Variants in ANK2 observed in about 807,000 individuals in gnomAD.
The protein encoded by ANK2 is ankyrin 2, also known as ankyrin-2.
Under a neutral mutation model 360.5 loss-of-function variants are expected in ANK2, and 83 were observed. The ratio of observed to expected loss-of-function variants is 0.23; its 90% confidence interval spans 0.19 to 0.28. The LOEUF (loss-of-function observed/expected upper bound fraction) is 0.28. ANK2 is among the 10% of genes least tolerant of loss of function. The pLI is 1.00. For synonymous variants in ANK2, 1,740 were observed against 1,759.5 expected (o/e 0.99, Z 0.28); for missense variants, 4,201 against 4,795.7 (o/e 0.88, Z 3.66).
rs185277900 is a variant in ANK2, at chr4:113,249,318, A to C, written c.892-446A>C. On this transcript the variant is annotated intron_variant, in intron 9 of 45. Transcript: ENST00000357077. ...ATGTGAAAAAATTACGCTAAGAAAA[A>C]TTTTTAGGTAAAAGTATATTAGAAC... 4.1e-3 allele frequency among the ~76,000 whole-genome samples: 627 copies of C among 152,342 alleles called. 8 individuals are homozygous for C. Among genetic ancestry groups the C allele is most frequent in the African/African-American group, 0.014 (592 of 41,578 alleles).
chr4:112,725,582 A>G, the ANK2 span, among the ~76,000 whole-genome samples: 1 of 150,952 alleles, frequency 6.6e-6, no homozygotes, highest in Non-Finnish European at 1.5e-5. Context: ...CTGGTCTTGA[A>G]CTCCTGACCT....
chr4:112,740,504 AC>A, the ANK2 span, among the ~76,000 whole-genome samples: 7 of 152,094 alleles, frequency 4.6e-5, no homozygotes, highest in Non-Finnish European at 4.4e-5. Context: ...GGAGTTCAAG[AC>A]CAGCCTGGCC....
At chr4:113,213,796 C>T (rs895280108) in intron 4 of ANK2, among the ~76,000 whole-genome samples, 4 of 152,048 alleles carry the variant, frequency 2.6e-5, no homozygotes, top group African/African-American at 9.7e-5. Flanking sequence ...CCAAAAACCA[C>T]TGCAAACATC....
intron 2 of ANK2, among the ~76,000 whole-genome samples, chr4:113,001,535 C>T (rs1434179548): frequency 3.8e-5 from 5 of 131,116 alleles, no homozygotes; most frequent in African/African-American, 8.6e-5. Flanking sequence ...AAATTCAAAG[C>T]ATTTCAGTGT....
At chr4:113,184,813 C>T (rs929140221) in intron 2 of ANK2, among the ~76,000 whole-genome samples, 3 of 151,990 alleles carry the variant, frequency 2.0e-5, no homozygotes, top group Non-Finnish European at 4.4e-5. Flanking sequence ...CACCCATCAA[C>T]CCATCATCTA....
At chr4:113,048,334 G>A (rs1192453151), upstream of ANK2, among the ~76,000 whole-genome samples, 7 of 121,370 alleles carry the variant, frequency 5.8e-5, no homozygotes, top group African/African-American at 1.9e-4. Context: ...CTCTGTCACC[G>A]AGGCTGGAGT....
intron 1 of ANK2, chr4:113,106,970 C>A: frequency 1.9e-6 from 1 of 522,236 alleles, no homozygotes; most frequent in Non-Finnish European, 3.9e-6. Context: ...ACAGAGACTT[C>A]CATTTGGAAT....
At chr4:113,016,482 G>A (rs2056661996) in intron 2 of ANK2, among the ~76,000 whole-genome samples, 1 of 152,048 alleles carries the variant, frequency 6.6e-6, no homozygotes, top group South Asian at 2.1e-4. Context: ...GAGCCCTCCT[G>A]CCATCTCTTC....
intron 4 of ANK2, among the ~76,000 whole-genome samples, chr4:113,202,567 CT>C (rs1485137030): frequency 1.3e-5 from 2 of 152,134 alleles, no homozygotes; most frequent in Non-Finnish European, 2.9e-5. Flanking sequence ...AGTACTATGC[CT>C]TTGGCAAACT....
At chr4:112,936,309 G>A (rs1027132049) in intron 2 of ANK2, among the ~76,000 whole-genome samples, 1 of 152,032 alleles carries the variant, frequency 6.6e-6, no homozygotes, top group Non-Finnish European at 1.5e-5. Flanking sequence ...AATATGTATT[G>A]AGCACTTTCT....
At chr4:113,106,785 G>A (rs956109487) in intron 1 of ANK2, 9 of 408,920 alleles carry the variant, frequency 2.2e-5, no homozygotes, top group Non-Finnish European at 4.4e-5. Context: ...ATATTTCATA[G>A]GTGTGCCAAG....
rs139259028 is a variant in ANK2 at position 113,317,748 on chromosome 4, A to G, written c.2735A>G (p.His912Arg). ...TCCGACAGGTCTCACACTCTGAGCC[A>G]TGCCTCCTACCTGAGGGACAGTGCC... is the stretch of plus-strand genomic sequence containing the variant. ...FSSDRSHTLS[H>R]ASYLRDSAVM... The change falls in exon 25 of 46, where the codon CAT becomes CGT. Residue 912 changes from histidine to arginine, a missense_variant. His to Arg is a conservative substitution (Grantham distance 29). Coordinates refer to ENST00000357077, the MANE Select transcript of ANK2 (RefSeq NM_001148.6). The G allele has an allele frequency of 3.1e-6, 5 of 1,614,028 alleles. No homozygotes were observed. The highest frequency in any genetic ancestry group is 2.7e-5 in the African/African-American group (2 of 74,912).
intron 4 of ANK2, among the ~76,000 whole-genome samples, chr4:113,211,941 A>G (rs2099027333): frequency 6.6e-6 from 1 of 152,146 alleles, no homozygotes; most frequent in Non-Finnish European, 1.5e-5. Flanking sequence ...TCTTTATGCT[A>G]TATTATCTTG....
chr4:113,374,171 G>A (rs1048116280), intron 45 of ANK2, among the ~76,000 whole-genome samples: 4 of 152,212 alleles, frequency 2.6e-5, no homozygotes, highest in East Asian at 3.9e-4. Flanking sequence ...TGATCCACCC[G>A]CCTCAGCCTC....
chr4:112,776,679 T>C, the ANK2 span, among the ~76,000 whole-genome samples: 1 of 152,346 alleles, frequency 6.6e-6, no homozygotes, highest in African/African-American at 2.4e-5. Flanking sequence ...ACTTACAGAT[T>C]TGTCTTAGAG....
chr4:112,944,420 G>A (rs2094430608), intron 2 of ANK2, among the ~76,000 whole-genome samples: 1 of 152,162 alleles, frequency 6.6e-6, no homozygotes, highest in South Asian at 2.1e-4. Flanking sequence ...TTTTAAAAAT[G>A]TAAACAGCTT....
At chr4:113,155,551 G>T (rs73841249) in intron 1 of ANK2, among the ~76,000 whole-genome samples, 1,864 of 151,844 alleles carry the variant, frequency 0.012, 57 homozygotes, top group African/African-American at 0.043. Flanking sequence ...ACTAAAATAC[G>T]TTTTAGGAAA....
At chr4:113,200,868 C>G (rs981777132) in intron 4 of ANK2, among the ~76,000 whole-genome samples, 2 of 150,874 alleles carry the variant, frequency 1.3e-5, no homozygotes, top group Non-Finnish European at 3.0e-5. Context: ...CGGGGAACAT[C>G]ACACGCCGGG....
At chr4:113,127,687 A>G (rs1005651430) in intron 1 of ANK2, among the ~76,000 whole-genome samples, 1 of 152,100 alleles carries the variant, frequency 6.6e-6, no homozygotes, top group Non-Finnish European at 1.5e-5. Context: ...AGGGGTTGGA[A>G]ATAAAGTTGG....
Sources: allele counts gnomAD v4.1 joint callset (sites outside exome capture counted in the v4.1 genomes callset), GRCh38; gene constraint gnomAD v4.1.1; transcripts MANE v1.5; gene names NCBI Gene and HGNC (gene_info 2026-07-23, HGNC 2026-07-21).